The following DEFB110 variants were observed in gnomAD, a reference collection of about 807,000 sequenced individuals.
DEFB110 encodes defensin beta 110.
A neutral mutation model predicts 2.5 loss-of-function variants in DEFB110; 4 were observed. The ratio of observed to expected loss-of-function variants is 1.60; its 90% CI spans 0.79 to 3.66. The LOEUF (loss-of-function observed/expected upper bound fraction) is 3.66. Ranked by LOEUF, DEFB110 falls within the 30% of genes most tolerant of loss-of-function variation. DEFB110 has a pLI of 0.01. For missense variants in DEFB110, 94 were observed against 75.4 expected (o/e 1.25, Z -0.91); for synonymous variants, 29 against 21.8 (o/e 1.33, Z -0.92).
At chr6:50,018,511 C>T (rs1041231244), downstream of DEFB110, among the ~76,000 whole-genome samples, 2 of 151,950 alleles carry the variant, frequency 1.3e-5, no homozygotes, top group African/African-American at 2.4e-5. Context: ...TAAAGATCTG[C>T]CCTCTCAATG....
chr6:50,016,952 C>T (rs930209173), downstream of DEFB110, among the ~76,000 whole-genome samples: 2 of 151,506 alleles, frequency 1.3e-5, no homozygotes, highest in African/African-American at 4.8e-5. Flanking sequence ...GCAGAGACGC[C>T]TCACATGTTT....
chr6:50,019,914 C>T (rs1340472205), intron 1 of DEFB110, among the ~76,000 whole-genome samples: 1 of 152,058 alleles, frequency 6.6e-6, no homozygotes, highest in Non-Finnish European at 1.5e-5. Context: ...CAGACACACC[C>T]ATTTGCTAAC....
Position 50,020,271 on chromosome 6 carries a change from T to G in DEFB110, c.56-1146A>C, listed in dbSNP as rs539439141. Among the ~76,000 whole-genome samples the G allele has an allele frequency of 3.9e-5, 6 of 152,246 alleles. No individual in the cohort carries two copies. The South Asian group carries it at 6.2e-4, about 16-fold the overall frequency. ...CTCACTAGAAGTTTCTTATTTAGAA[T>G]TGAATATATTTAGGGGGTTTGAGGA... On this transcript the variant is annotated intron_variant, in intron 1 of 1. Coordinates refer to ENST00000371148, the MANE Select transcript of DEFB110 (RefSeq NM_001037497.2).
intron 1 of DEFB110, among the ~76,000 whole-genome samples, chr6:50,019,915 A>T (rs1002885376): frequency 1.3e-5 from 2 of 152,170 alleles, no homozygotes; most frequent in Non-Finnish European, 2.9e-5. Flanking sequence ...AGACACACCC[A>T]TTTGCTAACA....
downstream of DEFB110, among the ~76,000 whole-genome samples, chr6:50,014,673 C>T (rs943334413): frequency 6.6e-6 from 1 of 151,726 alleles, no homozygotes; most frequent in Non-Finnish European, 1.5e-5. Context: ...CTCAGCTCTC[C>T]TCGCAATTTC....
At chr6:50,013,840 T>A (rs1429715506) in intron 1 of DEFB110, among the ~76,000 whole-genome samples, 1 of 151,820 alleles carries the variant, frequency 6.6e-6, no homozygotes, top group African/African-American at 2.4e-5. Flanking sequence ...GCCTTTAGGA[T>A]GTATGTTTGA....
intron 1 of DEFB110, among the ~76,000 whole-genome samples, chr6:50,021,115 C>T (rs1457074407): frequency 2.0e-5 from 3 of 152,138 alleles, no homozygotes; most frequent in Non-Finnish European, 4.4e-5. Context: ...GCATTCATCT[C>T]CTCATTCAAA....
At chr6:50,011,914 A>G (rs1774234818) in intron 1 of DEFB110, among the ~76,000 whole-genome samples, 1 of 152,212 alleles carries the variant, frequency 6.6e-6, no homozygotes, top group East Asian at 1.9e-4. Context: ...TCAAAATCAG[A>G]TAGAATTAAG....
intron 1 of DEFB110, among the ~76,000 whole-genome samples, chr6:50,010,830 A>G (rs933186404): frequency 6.6e-6 from 1 of 151,658 alleles, no homozygotes; most frequent in Non-Finnish European, 1.5e-5. Flanking sequence ...CTGAGCCATT[A>G]TATTTTGTCA....
At chr6:50,021,787 TA>T in intron 1 of DEFB110, 93 bp downstream of exon 1, 1 of 1,184,142 alleles carries the variant, frequency 8.4e-7, no homozygotes, top group South Asian at 1.6e-5. Flanking sequence ...AATGATGTTT[TA>T]ATCCCTATGT....
At chr6:50,021,697 T>C (rs534444892) in intron 1 of DEFB110, among the ~76,000 whole-genome samples, 184 bp downstream of exon 1, 6 of 152,330 alleles carry the variant, frequency 3.9e-5, no homozygotes, top group South Asian at 2.1e-4. Flanking sequence ...TTCATACTTG[T>C]TATTTTTGTC....
chr6:50,019,202 A>C lies in DEFB110; in HGVS notation c.56-77T>G, dbSNP rs1460224072. 2.7e-6 allele frequency: 4 copies of C among 1,475,122 alleles called. No homozygotes were observed. The African/African-American group carries it at 5.7e-5, about 21-fold the overall frequency. The allele number at this position is 1,475,122 out of a possible 1,614,324, so 91.4% of individuals were successfully genotyped here. On this transcript the variant is annotated intron_variant, in intron 1 of 1. Transcript: ENST00000371148. The stretch of plus-strand genomic sequence containing the variant: ...ATGTTTTAAAAGGAGAAAGTCCATG[A>C]AGCAAAAGATTATAGAGTGAAAATG...
chr6:50,019,056 C>A lies in DEFB110; in HGVS notation c.125G>T (p.Cys42Phe), dbSNP rs1449742388. Residue 42 changes from cysteine to phenylalanine, a missense_variant, in exon 2 of 2, where the codon TGT becomes TTT. Cys to Phe is a radical substitution (Grantham distance 205). Transcript: ENST00000371148. Reference protein sequence around the residue: ...RRECRIGNGQCKNQCHENEIR... With the variant: ...RRECRIGNGQFKNQCHENEIR... ...TTCATTTTCATGACACTGATTTTTA[C>A]ATTGACCATTACCTATTCTGCACTC... 6.2e-7 allele frequency: 1 copy of A among 1,613,250 alleles called. No homozygotes were observed. Among genetic ancestry groups the A allele is most frequent in the South Asian group, 1.1e-5 (1 of 91,048 alleles).
At chr6:50,019,673 T>C (rs570538990) in intron 1 of DEFB110, among the ~76,000 whole-genome samples, 1 of 152,068 alleles carries the variant, frequency 6.6e-6, no homozygotes, top group South Asian at 2.1e-4. Context: ...AATAACAACA[T>C]TGATAAAGAA....
At chr6:50,013,244 T>C (rs1017930914) in intron 1 of DEFB110, among the ~76,000 whole-genome samples, 6 of 151,842 alleles carry the variant, frequency 4.0e-5, no homozygotes, top group Non-Finnish European at 8.8e-5. Flanking sequence ...ATATGCTTCA[T>C]TGCTTCACTG....
intron 1 of DEFB110, among the ~76,000 whole-genome samples, chr6:50,011,775 T>C (rs1042033201): frequency 1.3e-5 from 2 of 151,996 alleles, no homozygotes; most frequent in Non-Finnish European, 2.9e-5. Context: ...GAGTTGAAAG[T>C]AGAGGGAGGC....
intron 1 of DEFB110, among the ~76,000 whole-genome samples, chr6:50,013,559 G>A (rs1298501079): frequency 1.3e-5 from 2 of 151,722 alleles, no homozygotes; most frequent in African/African-American, 2.4e-5. Context: ...TCTCTTTTAA[G>A]GGAGGAAATA....
rs1192609203 is a variant in DEFB110 at position 50,018,971 on chromosome 6, T to C, written c.*6A>G. 5 of 1,606,612 alleles carry C rather than the reference T, an allele frequency of 3.1e-6. No homozygotes were observed. The highest frequency in any genetic ancestry group is 4.2e-6 in the Non-Finnish European group (5 of 1,177,164). On this transcript the variant is annotated 3_prime_UTR_variant, in exon 2 of 2. Coordinates refer to ENST00000371148, the MANE Select transcript of DEFB110 (RefSeq NM_001037497.2). ...TGGAGCTTGTGACTCTTTTCTTCTG[T>C]CATCGTTACTGCTGCAAGCAGCAAT...
downstream of DEFB110, among the ~76,000 whole-genome samples, chr6:50,017,797 G>A (rs1202903782): frequency 1.3e-5 from 2 of 151,870 alleles, no homozygotes; most frequent in African/African-American, 4.8e-5. Flanking sequence ...AGAATAGAAT[G>A]GATCCACAGA....
Sources: gnomAD v4.1 joint callset for allele counts (sites outside exome capture counted in the v4.1 genomes callset) on GRCh38, gnomAD v4.1.1 for gene constraint, MANE v1.5 for transcripts, NCBI Gene and HGNC (gene_info 2026-07-23, HGNC 2026-07-21) for gene names.